PRX: variants seen among roughly 807,000 people sequenced by gnomAD.
The protein encoded by PRX is periaxin.
Under a neutral mutation model 29.6 loss-of-function variants are expected in PRX, and 24 were observed. The ratio of observed to expected loss-of-function variants is 0.81; its 90% CI spans 0.59 to 1.14. The LOEUF is 1.14. PRX is among the 50% of genes most tolerant of loss of function. PRX has a pLI of 0.00. For missense variants in PRX, 1,838 were observed against 1,926.4 expected (o/e 0.95, Z 0.86); for synonymous variants, 772 against 831.7 (o/e 0.93, Z 1.24).
rs200778472 is a variant in PRX, at chr19:40,393,921, G to A, written c.*45C>T. The stretch of plus-strand genomic sequence containing the variant: ...TTATCACACACACAACAGCGAGGGG[G>A]TAGAGAAAGGAAGGCAAGAAGGGAT... On this transcript the variant is annotated 3_prime_UTR_variant, in exon 7 of 7. Coordinates refer to ENST00000324001, the MANE Select transcript of PRX (RefSeq NM_181882.3). 2.7e-5 allele frequency: 43 copies of A among 1,602,914 alleles called. No individual in the cohort carries two copies. The East Asian group carries it at 8.7e-4, about 32-fold the overall frequency.
Position 40,398,940 on chromosome 19 carries a change from C to G in PRX, c.185-124G>C. 6.5e-7 allele frequency: 1 copy of G among 1,531,448 alleles called. No individual in the cohort carries two copies. Among genetic ancestry groups the G allele is most frequent in the East Asian group, 2.4e-5 (1 of 40,934 alleles). 94.9% of individuals were successfully genotyped at this position (1,531,448 alleles called of 1,614,324 possible). A position where few individuals can be genotyped will look rare whatever the true frequency, so the allele number is the denominator to read the frequency against. Reference sequence around the variant, plus strand: ...CCCCAAATTTTAGTTTCTCCAATCCCCAGCGCAGGATTAAGTCGCAGTTAC... The same window carrying G: ...CCCCAAATTTTAGTTTCTCCAATCCGCAGCGCAGGATTAAGTCGCAGTTAC... On this transcript the variant is annotated intron_variant, in intron 5 of 6. Coordinates refer to ENST00000324001, the MANE Select transcript of PRX (RefSeq NM_181882.3). The surrounding 1 kb of genome is among the most constrained non-coding windows in gnomAD (Gnocchi z 6.3).
intron 4 of PRX, among the ~76,000 whole-genome samples, chr19:40,404,854 A>G (rs560359941): frequency 4.4e-4 from 67 of 152,246 alleles, no homozygotes; most frequent in African/African-American, 1.6e-3. Flanking sequence ...GATTACAGGC[A>G]TGAGCCACTG....
Position 40,397,960 on chromosome 19 carries a change from C to A in PRX, c.392G>T (p.Ser131Ile). The change falls in exon 7 of 7, where the codon AGT becomes ATT. Residue 131 changes from serine to isoleucine, a missense_variant. This residue lies in a region of PRX where 666 missense variants were observed against 665.0 expected (regional missense o/e 1.00). Coordinates refer to ENST00000324001, the MANE Select transcript of PRX (RefSeq NM_181882.3). Reference protein sequence around the residue: ...RAKVAKLNIQSLSPVKKKKMV... With the variant: ...RAKVAKLNIQILSPVKKKKMV... ...CTTCTTCTTCTTCACAGGGGACAGA[C>A]TCTGGATGTTCTGGGGAGAGAGGAG... 3 of 1,610,408 alleles carry A rather than the reference C, an allele frequency of 1.9e-6. No homozygotes were observed. Among genetic ancestry groups the A allele is most frequent in the Non-Finnish European group, 2.5e-6 (3 of 1,178,560 alleles).
chr19:40,409,596 C>T (rs1454949956), intron 1 of PRX, among the ~76,000 whole-genome samples: 1 of 151,964 alleles, frequency 6.6e-6, no homozygotes, highest in Non-Finnish European at 1.5e-5. Flanking sequence ...CCTCAGCCTC[C>T]CAAGTAGCTG....
At chr19:40,414,070 C>T (rs181484068), upstream of PRX, among the ~76,000 whole-genome samples, 13 of 152,294 alleles carry the variant, frequency 8.5e-5, 1 homozygote, top group East Asian at 2.3e-3. Context: ...AAGTACCATG[C>T]TCAGTGCTGA....
Position 40,397,727 on chromosome 19 carries a change from C to A in PRX, c.625G>T (p.Ala209Ser). Reference protein sequence around the residue: ...AEEAQAARLAAAAPPPRKAKV... With the variant: ...AEEAQAARLASAAPPPRKAKV... Reference sequence around the variant, plus strand: ...GCTTTCCTGGGGGGAGGAGCGGCGGCGGCCAGCCGGGCTGCCTGAGCCTCT... The same window carrying A: ...GCTTTCCTGGGGGGAGGAGCGGCGGAGGCCAGCCGGGCTGCCTGAGCCTCT... Residue 209 changes from alanine (A) to serine (S), a missense_variant, in exon 7 of 7, where the codon GCC becomes TCC. Ala to Ser is a moderately conservative substitution (Grantham distance 99). Coordinates refer to ENST00000324001, the MANE Select transcript of PRX (RefSeq NM_181882.3). The A allele has an allele frequency of 6.4e-7, 1 of 1,560,006 alleles. No homozygotes were observed. Among genetic ancestry groups the A allele is most frequent in the Non-Finnish European group, 8.7e-7 (1 of 1,155,804 alleles).
intron 5 of PRX, among the ~76,000 whole-genome samples, chr19:40,399,907 T>TTTC (rs1568712005): frequency 3.3e-5 from 3 of 90,700 alleles, no homozygotes; most frequent in Non-Finnish European, 6.8e-5. Context: ...TTCTTTCTTT[T>TTTC]TCTTTCTTTC....
intron 5 of PRX, among the ~76,000 whole-genome samples, chr19:40,399,658 C>G (rs1159047253): frequency 2.0e-5 from 3 of 152,194 alleles, no homozygotes; most frequent in Non-Finnish European, 4.4e-5. Context: ...CCCTCTGGAG[C>G]GTCTCTGGGA....
At chr19:40,414,669 C>G (rs1033910711), upstream of PRX, among the ~76,000 whole-genome samples, 1 of 152,168 alleles carries the variant, frequency 6.6e-6, no homozygotes, top group Non-Finnish European at 1.5e-5. Flanking sequence ...CCCCTGGACC[C>G]TGGTCCAGCC....
upstream of PRX, among the ~76,000 whole-genome samples, chr19:40,414,552 G>A (rs1270194711): frequency 2.6e-5 from 4 of 152,122 alleles, no homozygotes; most frequent in Non-Finnish European, 5.9e-5. Context: ...GCTCAGAGAA[G>A]GTAAGTGACT....
At position 40,396,957 on chromosome 19, in the gene PRX, G is replaced by T. The variant is rs867376305; in HGVS notation, c.1395C>A (p.Leu465=). The T allele has an allele frequency of 6.2e-7, 1 of 1,613,970 alleles. No homozygotes were observed. The highest frequency in any genetic ancestry group is 2.2e-5 in the East Asian group (1 of 44,880). Residue 465 remains leucine, a synonymous_variant, in exon 7 of 7, where the codon CTC becomes CTA. Coordinates refer to ENST00000324001, the MANE Select transcript of PRX (RefSeq NM_181882.3). ...ACACCTTGGGGAGCTCCACCTCTGG[G>T]AGTCGAACCTCTGGAAGGGCTGCCT... is the stretch of plus-strand genomic sequence containing the variant. The part of the protein sequence containing the change: ...VPEAALPEVR[L]PEVELPKVSE...
At position 40,394,976 on chromosome 19, in the gene PRX, G is replaced by T. The variant is rs1483705612; in HGVS notation, c.3376C>A (p.Leu1126Met). 3.7e-6 allele frequency: 6 copies of T among 1,608,586 alleles called. No homozygotes were observed. The highest frequency in any genetic ancestry group is 5.1e-6 in the Non-Finnish European group (6 of 1,179,572). The change falls in exon 7 of 7, where the codon CTG becomes ATG. Residue 1126 changes from leucine (L) to methionine (M), a missense_variant. By Grantham distance (15) the Leu-to-Met change is conservative. Coordinates refer to ENST00000324001, the MANE Select transcript of PRX (RefSeq NM_181882.3). The surrounding 1 kb of genome is among the most constrained non-coding windows in gnomAD (Gnocchi z 5.8). The stretch of plus-strand genomic sequence containing the variant: ...ACCTGCCCGGCTGTGGACACCTTCA[G>T]GCCTGACAGCTGCATTCCACTGACG... ...VAVSGMQLSG[L>M]KVSTAGQVVT... is the part of the protein sequence containing the mutation.
Position 40,398,591 on chromosome 19 carries a change from A to AGGGCCG in PRX, c.381+23_381+28dup. ...AGAGACCGGATCGCTGGGGCAGTCCAGGGCCGGGGCCGGGCTAAGCACGCG... is the reference window on the plus strand; with the variant it reads ...AGAGACCGGATCGCTGGGGCAGTCCAGGGCCGGGGCCGGGGCCGGGCTAAGCACGCG... On this transcript the variant is annotated intron_variant, in intron 6 of 6. Coordinates refer to ENST00000324001, the MANE Select transcript of PRX (RefSeq NM_181882.3). The surrounding 1 kb of genome is among the most constrained non-coding windows in gnomAD (Gnocchi z 6.3). 1 of 1,611,410 alleles carries AGGGCCG rather than the reference A, an allele frequency of 6.2e-7. No individual in the cohort carries two copies. The highest frequency in any genetic ancestry group is 8.5e-7 in the Non-Finnish European group (1 of 1,179,446).
rs1373786885 is a variant in PRX, at chr19:40,398,448, C to T, written c.381+172G>A. On this transcript the variant is annotated intron_variant, in intron 6 of 6. Coordinates refer to ENST00000324001, the MANE Select transcript of PRX (RefSeq NM_181882.3). The surrounding 1 kb of genome is among the most constrained non-coding windows in gnomAD (Gnocchi z 6.3). ...CCTGGGCTGGGGTGGGTCTGTCCCC[C>T]TTCCCGGGGAAGAGTTTGGGGCAGA... The T allele has an allele frequency of 2.6e-6, 4 of 1,517,458 alleles. No individual in the cohort carries two copies. Among genetic ancestry groups the T allele is most frequent in the East Asian group, 4.5e-5 (2 of 43,958 alleles). 94.0% of individuals were successfully genotyped at this position (1,517,458 alleles called of 1,614,324 possible).
chr19:40,398,639 C>T lies in PRX; in HGVS notation c.362G>A (p.Arg121Gln), dbSNP rs780955531. Residue 121 changes from arginine (R) to glutamine (Q), a missense_variant, in exon 6 of 7, where the codon CGG (arginine) becomes CAG (glutamine). Physicochemically the swap from Arg to Gln is conservative, Grantham distance 43. Coordinates refer to ENST00000324001, the MANE Select transcript of PRX (RefSeq NM_181882.3). The surrounding 1 kb of genome is among the most constrained non-coding windows in gnomAD (Gnocchi z 6.3). ...GCGTACCAGCTTGGCCACCTTGGCC[C>T]GCGGGCCCTTGATCTCGTAGCCAGA... ...TVSGYEIKGP[R>Q]AKVAKLNIQS... 2.5e-6 allele frequency: 4 copies of T among 1,613,124 alleles called. No homozygotes were observed. The highest frequency in any genetic ancestry group is 2.5e-6 in the Non-Finnish European group (3 of 1,179,832).
At chr19:40,413,628 C>T (rs1049611882), upstream of PRX, among the ~76,000 whole-genome samples, 19 of 152,180 alleles carry the variant, frequency 1.2e-4, 1 homozygote, top group African/African-American at 3.9e-4. Flanking sequence ...TTGGCTTCCT[C>T]GACTTGGAGA....
chr19:40,398,222 G>C lies in PRX; in HGVS notation c.382-252C>G, dbSNP rs2079461367. 7.1e-7 allele frequency: 1 copy of C among 1,416,290 alleles called. No homozygotes were observed. Among genetic ancestry groups the C allele is most frequent in the South Asian group, 1.6e-5 (1 of 62,218 alleles). The allele number at this position is 1,416,290 out of a possible 1,614,324, so 87.7% of individuals were successfully genotyped here. A position where few individuals can be genotyped will look rare whatever the true frequency, so the allele number is the denominator to read the frequency against. On this transcript the variant is annotated intron_variant, in intron 6 of 6. Coordinates refer to ENST00000324001, the MANE Select transcript of PRX (RefSeq NM_181882.3). The surrounding 1 kb of genome is among the most constrained non-coding windows in gnomAD (Gnocchi z 6.3). The stretch of plus-strand genomic sequence containing the variant: ...CCCAAGACTTCTAGATCCTGATCCG[G>C]GATTTTCCCCAACATCCTCATTCTA...
Position 40,395,511 on chromosome 19 carries a change from C to T in PRX, c.2841G>A (p.Glu947=), listed in dbSNP as rs771912595. 2.5e-5 allele frequency: 41 copies of T among 1,614,094 alleles called. No individual in the cohort carries two copies. Among genetic ancestry groups the T allele is most frequent in the Non-Finnish European group, 3.4e-5 (40 of 1,180,058 alleles). Residue 947 remains glutamate, a synonymous_variant, in exon 7 of 7, where the codon GAG becomes GAA. Coordinates refer to ENST00000324001, the MANE Select transcript of PRX (RefSeq NM_181882.3). Reference sequence around the variant, plus strand: ...TGGTAGCTCGCCCAGCCCCCTCAGCCTCTGCCTTAGCCACCTTTGGCCCCG... The same window carrying T: ...TGGTAGCTCGCCCAGCCCCCTCAGCTTCTGCCTTAGCCACCTTTGGCCCCG... ...GLSGPKVAKA[E]AEGAGRATKL...
chr19:40,411,263 C>T (rs1291477182), intron 1 of PRX, among the ~76,000 whole-genome samples: 1 of 152,130 alleles, frequency 6.6e-6, no homozygotes, highest in Non-Finnish European at 1.5e-5. Flanking sequence ...GGTGCCGGGC[C>T]TGGACCGGGC....
Sources: allele counts gnomAD v4.1 joint callset (sites outside exome capture counted in the v4.1 genomes callset), GRCh38; gene constraint gnomAD v4.1.1; regional missense constraint gnomAD v4.1.1; non-coding constraint Gnocchi (gnomAD v3.1); transcripts MANE v1.5; gene names NCBI Gene and HGNC (gene_info 2026-07-23, HGNC 2026-07-21).